The following MYH14 variants were observed in gnomAD, a reference collection of about 807,000 sequenced individuals.
MYH14 encodes the protein myosin heavy chain 14, also known as myosin-14.
Under a neutral mutation model 255.5 loss-of-function variants are expected in MYH14, and 123 were observed. That is an observed-to-expected ratio of 0.48 (90% confidence interval 0.42 to 0.56). The LOEUF is 0.56. MYH14 is among the 20% of genes least tolerant of loss of function. MYH14 has a pLI of 0.00. For synonymous variants in MYH14, 1,095 were observed against 1,161.2 expected (o/e 0.94, Z 1.16); for missense variants, 2,423 against 2,802.3 (o/e 0.86, Z 3.06).
intron 2 of MYH14, among the ~76,000 whole-genome samples, chr19:50,216,937 A>G (rs112598465): frequency 0.022 from 3,309 of 151,296 alleles, 97 homozygotes; most frequent in African/African-American, 0.076. Flanking sequence ...CCTCCCAAGT[A>G]GCTGGGACTA....
At chr19:50,204,158 A>G (rs2031604772) in intron 1 of MYH14, among the ~76,000 whole-genome samples, 1 of 152,166 alleles carries the variant, frequency 6.6e-6, no homozygotes, top group Non-Finnish European at 1.5e-5. Flanking sequence ...ATAACTAAAT[A>G]ATTTCCTTTC....
rs1404195789 is a variant in MYH14 at position 50,309,601 on chromosome 19, C to G, written c.5961-39C>G. 3 of 1,501,092 alleles carry G rather than the reference C, an allele frequency of 2.0e-6. No individual in the cohort carries two copies. The African/African-American group carries it at 4.2e-5, about 21-fold the overall frequency. The allele number at this position is 1,501,092 out of a possible 1,614,324, so 93.0% of individuals were successfully genotyped here. On this transcript the variant is annotated intron_variant, in intron 42 of 42. Coordinates refer to ENST00000642316, the MANE Select transcript of MYH14 (RefSeq NM_001145809.2). ...CCCCTTTCTCCTCCCCTCCCCTCCCCTCATTTCATCTCTGTATCCTGGTCT... is the reference window on the plus strand; with the variant it reads ...CCCCTTTCTCCTCCCCTCCCCTCCCGTCATTTCATCTCTGTATCCTGGTCT...
chr19:50,267,865 C>T (rs1288451591), intron 23 of MYH14, among the ~76,000 whole-genome samples: 1 of 151,850 alleles, frequency 6.6e-6, no homozygotes, highest in Non-Finnish European at 1.5e-5. Context: ...AAGACCTGAG[C>T]CTGTTGGGGC....
intron 41 of MYH14, 98 bp from the exon 42 acceptor site, chr19:50,308,903 GAGTC>G: frequency 8.8e-7 from 1 of 1,141,012 alleles, no homozygotes; most frequent in Non-Finnish European, 1.2e-6. Context: ...GGGGCAGAGA[GAGTC>G]AGGGGGCAGT....
At chr19:50,289,149 G>GT (rs1276864646) in intron 34 of MYH14, among the ~76,000 whole-genome samples, 2 of 152,180 alleles carry the variant, frequency 1.3e-5, no homozygotes. Flanking sequence ...TCCACCATGA[G>GT]TGAGAGTCAG....
At chr19:50,278,769 G>C (rs2035603652) in intron 30 of MYH14, among the ~76,000 whole-genome samples, 1 of 146,318 alleles carries the variant, frequency 6.8e-6, no homozygotes, top group African/African-American at 2.5e-5. Flanking sequence ...GAAGTCAGAA[G>C]TTCGAGACCG....
At position 50,271,985 on chromosome 19, in the gene MYH14, C is replaced by G. The variant is rs2035319807; in HGVS notation, c.3295+13C>G. On this transcript the variant is annotated intron_variant, in intron 26 of 42. Transcript: ENST00000642316. ...GCAGACATGGAGGGTGAGCTCCCGC[C>G]CAGCCAGTAGGGGTCTGTGTGTGCT... 16 of 1,605,656 alleles carry G rather than the reference C, an allele frequency of 1.0e-5. No individual in the cohort carries two copies. Among genetic ancestry groups the G allele is most frequent in the Non-Finnish European group, 1.4e-5 (16 of 1,176,346 alleles).
intron 18 of MYH14, 103 bp from the exon 19 acceptor site, chr19:50,259,041 T>C: frequency 1.4e-6 from 2 of 1,437,578 alleles, no homozygotes; most frequent in Non-Finnish European, 1.9e-6. Context: ...ACCTAGTAGG[T>C]GCTCAGTAAA....
At position 50,268,702 on chromosome 19, in the gene MYH14, C is replaced by A. The variant is rs1054256696; in HGVS notation, c.3033+335C>A. 9.4e-5 allele frequency among the ~76,000 whole-genome samples: 14 copies of A among 149,684 alleles called. No individual in the cohort carries two copies. In the Admixed American group the frequency reaches 9.4e-4, roughly 10 times the overall value. On this transcript the variant is annotated intron_variant, in intron 24 of 42. Transcript: ENST00000642316. ...CTTCAGGCATGGCTGGATCCAGGCG[C>A]CTAAGTGATGTCCTCAGCTTCAGGC... is the stretch of plus-strand genomic sequence containing the variant.
chr19:50,250,682 G>C lies in MYH14; in HGVS notation c.1824G>C (p.Ala608=), dbSNP rs903381620. The change falls in exon 15 of 43, where the codon GCG becomes GCC. Residue 608 remains alanine (A), a synonymous_variant. Transcript: ENST00000642316. The surrounding 1 kb of genome is among the most constrained non-coding windows in gnomAD (Gnocchi z 5.4). ...CCGACTTCAGTGTTCTCCACTACGC[G>C]GGCAAGGTAGGGGCTGGGGCCGGCC... ...DQADFSVLHY[A]GKVDYKANEW... 2 of 1,610,964 alleles carry C rather than the reference G, an allele frequency of 1.2e-6. No homozygotes were observed. Among genetic ancestry groups the C allele is most frequent in the Non-Finnish European group, 8.5e-7 (1 of 1,177,548 alleles).
At chr19:50,272,855 GC>G in intron 27 of MYH14, 124 bp downstream of exon 27, 1 of 939,710 alleles carries the variant, frequency 1.1e-6, no homozygotes, top group Non-Finnish European at 1.6e-6. Context: ...CCACAGACAG[GC>G]CACATCCCCT....
chr19:50,244,841 T>C (rs913148464), intron 11 of MYH14, among the ~76,000 whole-genome samples: 4 of 152,042 alleles, frequency 2.6e-5, no homozygotes, highest in African/African-American at 9.7e-5. Context: ...TTTTCCTGAT[T>C]CTAAAAGCGT....
Position 50,249,763 on chromosome 19 carries a change from C to A in MYH14, c.1596C>A (p.Pro532=), listed in dbSNP as rs1406310221. 3.7e-6 allele frequency: 6 copies of A among 1,614,106 alleles called. No individual in the cohort carries two copies. In the African/African-American group the frequency reaches 5.3e-5, roughly 14 times the overall value. Residue 532 remains proline (P), a synonymous_variant, in exon 14 of 43, where the codon CCC becomes CCA. Transcript: ENST00000642316. ...AGGAGTACCAGCGTGAGGGCATCCCCTGGACCTTCCTCGACTTTGGCCTCG... is the reference window on the plus strand; with the variant it reads ...AGGAGTACCAGCGTGAGGGCATCCCATGGACCTTCCTCGACTTTGGCCTCG... ...EQEEYQREGI[P]WTFLDFGLDL...
chr19:50,230,740 A>T lies in MYH14; in HGVS notation c.973+117A>T, dbSNP rs1600895256. The T allele has an allele frequency of 1.2e-6, 1 of 813,494 alleles. No individual in the cohort carries two copies. 50.4% of individuals were successfully genotyped at this position (813,494 alleles called of 1,614,324 possible). A position where few individuals can be genotyped will look rare whatever the true frequency, so the allele number is the denominator to read the frequency against. On this transcript the variant is annotated intron_variant, in intron 9 of 42. Transcript: ENST00000642316. This position sits in a 1 kb window ranked among gnomAD's most constrained non-coding sequence, Gnocchi z 4.7. ...GGGCTCTAATATCCGTCAAACACCG[A>T]CTTCGCATGAGGCTCCCGCAGCCCC...
Position 50,289,429 on chromosome 19 carries a change from C to A in MYH14, c.4753-7C>A. The A allele has an allele frequency of 2.5e-6, 4 of 1,602,110 alleles. No homozygotes were observed. Among genetic ancestry groups the A allele is most frequent in the Non-Finnish European group, 3.4e-6 (4 of 1,175,000 alleles). On this transcript the variant is annotated splice_region_variant and splice_polypyrimidine_tract_variant and intron_variant, in intron 34 of 42. Coordinates refer to ENST00000642316, the MANE Select transcript of MYH14 (RefSeq NM_001145809.2). ...CCCAGGTACCCAGCAGCTACTCTCC[C>A]CACCAGGTGCATGAGCTGGAACGAG...
chr19:50,234,490 A>G (rs1429936725), intron 10 of MYH14, among the ~76,000 whole-genome samples: 3 of 152,014 alleles, frequency 2.0e-5, no homozygotes, highest in Admixed American at 6.6e-5. Flanking sequence ...CTGGAAATGG[A>G]GCGTAGCTTG....
At chr19:50,264,011 A>T (rs1651550) in intron 22 of MYH14, among the ~76,000 whole-genome samples, 141,085 of 143,204 alleles carry the variant, frequency 0.99, 69,499 homozygotes, top group East Asian at 1. Context: ...GAGCCAAGAT[A>T]GTGTCACTAC....
At chr19:50,292,111 T>G in intron 36 of MYH14, 150 bp from the exon 37 acceptor site, 1 of 709,922 alleles carries the variant, frequency 1.4e-6, no homozygotes. Flanking sequence ...GCAAGTGGCT[T>G]TATACACAGG....
chr19:50,297,968 G>C (rs2036337298), intron 39 of MYH14, among the ~76,000 whole-genome samples: 1 of 152,092 alleles, frequency 6.6e-6, no homozygotes, highest in African/African-American at 2.4e-5. Context: ...TTCACCCCAT[G>C]GGTGCATGGG....
Sources: gnomAD v4.1 joint callset for allele counts (sites outside exome capture counted in the v4.1 genomes callset) on GRCh38, gnomAD v4.1.1 for gene constraint, Gnocchi (gnomAD v3.1) non-coding constraint, MANE v1.5 for transcripts, NCBI Gene and HGNC (gene_info 2026-07-23, HGNC 2026-07-21) for gene names.